NHS: variants seen among roughly 807,000 people sequenced by gnomAD.
The protein encoded by NHS is NHS actin remodeling regulator, also known as actin remodeling regulator NHS.
NHS carries 5 observed loss-of-function variants against 72.5 expected under a neutral mutation model. The observed-to-expected ratio is 0.07, with a 90% CI of 0.04 to 0.14. NHS has a LOEUF of 0.14. Ranked by LOEUF, NHS falls within the 10% of genes least tolerant of loss-of-function variation. The pLI, the probability that NHS is intolerant of heterozygous loss-of-function variation, is 1.00. For missense variants in NHS, 1,072 were observed against 1,355.7 expected (o/e 0.79, Z 3.29); for synonymous variants, 464 against 547.7 (o/e 0.85, Z 2.13).
intron 1 of NHS, among the ~76,000 whole-genome samples, chrX:17,488,772 A>G (rs2064977443): frequency 8.9e-6 from 1 of 111,824 alleles, no homozygotes. Flanking sequence ...GAAAATATCT[A>G]TGTATTCTTT....
intron 1 of NHS, among the ~76,000 whole-genome samples, chrX:17,534,024 C>T (rs2065211014): frequency 8.9e-6 from 1 of 112,329 alleles, no homozygotes; most frequent in Non-Finnish European, 1.9e-5. Context: ...ACTGTTTTCT[C>T]CCTTTTGATG....
chrX:17,522,548 G>A (rs1280258114), intron 1 of NHS, among the ~76,000 whole-genome samples: 2 of 93,874 alleles, frequency 2.1e-5, no homozygotes, highest in Admixed American at 1.3e-4. Flanking sequence ...GGCCGTCTGT[G>A]GTCCAGGTTT....
chrX:17,602,065 G>A (rs1395333961), intron 1 of NHS, among the ~76,000 whole-genome samples: 1 of 111,555 alleles, frequency 9.0e-6, no homozygotes, highest in Non-Finnish European at 1.9e-5. Context: ...TGCAACCAAA[G>A]TCCTCCTGTG....
chrX:17,478,972 G>T (rs1185571323), intron 1 of NHS, among the ~76,000 whole-genome samples: 1 of 111,353 alleles, frequency 9.0e-6, no homozygotes, highest in Admixed American at 9.6e-5. Flanking sequence ...TGTTACATAG[G>T]TATACACATG....
chrX:17,446,689 A>G (rs1257456262), intron 1 of NHS, among the ~76,000 whole-genome samples: 2 of 111,008 alleles, frequency 1.8e-5, no homozygotes, highest in African/African-American at 6.5e-5. Context: ...AATAAAACTA[A>G]TAACAATAAT....
intron 1 of NHS, among the ~76,000 whole-genome samples, chrX:17,632,809 T>C: frequency 8.9e-6 from 1 of 111,991 alleles, no homozygotes; most frequent in Non-Finnish European, 1.9e-5. Context: ...TTAGTATTAT[T>C]ATTGTTGTTG....
At chrX:17,604,870 T>C (rs1461353834) in intron 1 of NHS, among the ~76,000 whole-genome samples, 1 of 111,805 alleles carries the variant, frequency 8.9e-6, no homozygotes, top group Non-Finnish European at 1.9e-5. Context: ...AATGACCAAA[T>C]CAGATGAAGA....
intron 1 of NHS, among the ~76,000 whole-genome samples, chrX:17,679,285 C>T (rs1411838192): frequency 9.0e-6 from 1 of 111,721 alleles, no homozygotes; most frequent in Non-Finnish European, 1.9e-5. Flanking sequence ...CTATTGCAAT[C>T]CTGTGGATAA....
intron 1 of NHS, among the ~76,000 whole-genome samples, chrX:17,385,451 T>C (rs1286958133): frequency 9.0e-6 from 1 of 111,462 alleles, no homozygotes; most frequent in East Asian, 2.8e-4. Flanking sequence ...GAGGTGGAGG[T>C]TGCAGTAAGC....
chrX:17,530,407 A>T (rs2065192942), intron 1 of NHS, among the ~76,000 whole-genome samples: 1 of 111,041 alleles, frequency 9.0e-6, no homozygotes, highest in African/African-American at 3.3e-5. Flanking sequence ...TACCGACCCC[A>T]TTTGTCACCA....
intron 3 of NHS, among the ~76,000 whole-genome samples, chrX:17,712,253 GTATATATATATATATA>G (rs1216194040): frequency 1.4e-4 from 7 of 50,149 alleles, no homozygotes; most frequent in East Asian, 9.3e-4. Flanking sequence ...TTGTGTGTGT[GTATATATATATATATA>G]TATATATATA....
intron 1 of NHS, among the ~76,000 whole-genome samples, chrX:17,475,512 C>G (rs1031071686): frequency 2.1e-4 from 23 of 111,920 alleles, no homozygotes; most frequent in Admixed American, 6.6e-4. Flanking sequence ...TCTGGTTGTT[C>G]TGTTTCCCGT....
At chrX:17,476,996 A>C (rs2064922228) in intron 1 of NHS, among the ~76,000 whole-genome samples, 1 of 112,110 alleles carries the variant, frequency 8.9e-6, no homozygotes, top group African/African-American at 3.2e-5. Flanking sequence ...CACTCAACAA[A>C]TATTTATTCA....
At chrX:17,398,806 G>A (rs927407045) in intron 1 of NHS, among the ~76,000 whole-genome samples, 13 of 111,829 alleles carry the variant, frequency 1.2e-4, no homozygotes, top group African/African-American at 3.9e-4. Context: ...CCAGGCTTAG[G>A]GCTGGTCAAA....
Position 17,679,860 on chromosome X carries a change from G to A in NHS, c.566-7882G>A, listed in dbSNP as rs1038381353. Among the ~76,000 whole-genome samples the A allele has an allele frequency of 5.1e-5, 3 of 58,879 alleles. No homozygotes were observed. In the Admixed American group the frequency reaches 6.6e-4, roughly 13 times the overall value. The allele number at this position is 58,879 out of a possible 115,157, so 51.1% of individuals were successfully genotyped here. On this transcript the variant is annotated intron_variant, in intron 1 of 8. Transcript: ENST00000676302. ...TCTATCTTTAACCAGAATGAAGAAAGGGGGGGGGGGTGTGCGTTTCCACTG... is the reference window on the plus strand; with the variant it reads ...TCTATCTTTAACCAGAATGAAGAAAAGGGGGGGGGGTGTGCGTTTCCACTG...
chrX:17,620,127 T>G (rs891831953), intron 1 of NHS, among the ~76,000 whole-genome samples: 3 of 112,135 alleles, frequency 2.7e-5, no homozygotes, highest in Admixed American at 1.9e-4. Flanking sequence ...CTCAGACCAC[T>G]TAAGTAAGGC....
At chrX:17,509,119 C>T (rs1158817482) in intron 1 of NHS, among the ~76,000 whole-genome samples, 1 of 111,620 alleles carries the variant, frequency 9.0e-6, no homozygotes, top group Non-Finnish European at 1.9e-5. Context: ...AGGTAGAATC[C>T]CTTTAAAGTA....
At chrX:17,477,619 A>G (rs2064926765) in intron 1 of NHS, among the ~76,000 whole-genome samples, 1 of 112,361 alleles carries the variant, frequency 8.9e-6, no homozygotes, top group Non-Finnish European at 1.9e-5. Context: ...GGTGGATGGA[A>G]GCAGGGAGAT....
At chrX:17,475,851 A>G (rs892133992) in intron 1 of NHS, among the ~76,000 whole-genome samples, 10 of 111,198 alleles carry the variant, frequency 9.0e-5, no homozygotes, top group Admixed American at 6.7e-4. Flanking sequence ...TCCTTTTCCT[A>G]TCTCCAGCCA....
Sources: gnomAD v4.1 joint callset for allele counts (sites outside exome capture counted in the v4.1 genomes callset) on GRCh38, gnomAD v4.1.1 for gene constraint, MANE v1.5 for transcripts, NCBI Gene and HGNC (gene_info 2026-07-23, HGNC 2026-07-21) for gene names.